Variants in CLCN5 observed in about 807,000 individuals in gnomAD.
The protein encoded by CLCN5 is H(+)/Cl(-) exchange transporter 5.
Under a neutral mutation model 54.0 loss-of-function variants are expected in CLCN5, and 17 were observed. The observed-to-expected ratio is 0.31, with a 90% CI of 0.22 to 0.47. The LOEUF (loss-of-function observed/expected upper bound fraction) is 0.47, where lower values mean the gene tolerates loss of function less well. CLCN5 is among the 20% of genes least tolerant of loss of function. The pLI is 1.00. For synonymous variants in CLCN5, 222 were observed against 233.0 expected, an observed-to-expected ratio of 0.95 and a Z score of 0.43; for missense variants, 448 against 646.7, an observed-to-expected ratio of 0.69 and a Z score of 3.33.
At chrX:49,924,315 T>C (rs1469814588) in intron 2 of CLCN5, among the ~76,000 whole-genome samples, 6 of 110,896 alleles carry the variant, frequency 5.4e-5, no homozygotes, top group Non-Finnish European at 9.4e-5. Flanking sequence ...GTAATTATAG[T>C]GCACCGCCAT....
At chrX:49,959,770 C>T (rs1557174337) in intron 3 of CLCN5, among the ~76,000 whole-genome samples, 1 of 111,271 alleles carries the variant, frequency 9.0e-6, no homozygotes, top group Non-Finnish European at 1.9e-5. Flanking sequence ...GTCTTCTGTG[C>T]TCCTCTGACT....
chrX:50,090,828 A>G lies in CLCN5; in HGVS notation c.2302A>G (p.Ile768Val), dbSNP rs1407889034. 8.3e-7 allele frequency: 1 copy of G among 1,209,479 alleles called. No homozygotes were observed. Among genetic ancestry groups the G allele is most frequent in the Admixed American group, 2.2e-5 (1 of 45,627 alleles). ...FTVTDLTPME[I>V]VVDIFRKLGL... ...TGTGACTGACCTTACACCCATGGAG[A>G]TCGTAGTGGATATTTTCCGAAAGCT... Residue 768 changes from isoleucine to valine, a missense_variant, in exon 14 of 15, where the codon ATC becomes GTC. Around this residue, in one of 5 missense-constraint regions of CLCN5, gnomAD observed 297 missense variants for 470.4 expected, o/e 0.63. Transcript: ENST00000376091.
chrX:49,944,016 T>C (rs1447085961), intron 3 of CLCN5, among the ~76,000 whole-genome samples: 1 of 112,021 alleles, frequency 8.9e-6, no homozygotes, highest in Non-Finnish European at 1.9e-5. Flanking sequence ...TTTCACATTA[T>C]TGATTCTTCC....
intron 7 of CLCN5, among the ~76,000 whole-genome samples, chrX:50,077,190 G>A (rs1933437490): frequency 9.0e-6 from 1 of 111,488 alleles, no homozygotes; most frequent in Non-Finnish European, 1.9e-5. Context: ...GATAGAAATA[G>A]GAGTGTTTAT....
intron 3 of CLCN5, among the ~76,000 whole-genome samples, chrX:49,952,296 G>T (rs1201448650): frequency 9.1e-6 from 1 of 110,221 alleles, no homozygotes; most frequent in Admixed American, 9.7e-5. Flanking sequence ...TTCAAGTCTG[G>T]CCTTTCCTTT....
chrX:50,032,363 A>G (rs1476575282), intron 3 of CLCN5, among the ~76,000 whole-genome samples: 2 of 111,080 alleles, frequency 1.8e-5, no homozygotes, highest in East Asian at 2.8e-4. Flanking sequence ...CTATTTCTCC[A>G]CATCCTCTCC....
At chrX:49,944,520 A>G (rs1387465652) in intron 3 of CLCN5, among the ~76,000 whole-genome samples, 1 of 111,923 alleles carries the variant, frequency 8.9e-6, no homozygotes, top group East Asian at 2.8e-4. Context: ...TTGCCCATTC[A>G]GTATGATATT....
At chrX:49,958,969 C>T (rs1473937443) in intron 3 of CLCN5, among the ~76,000 whole-genome samples, 1 of 111,964 alleles carries the variant, frequency 8.9e-6, no homozygotes, top group Non-Finnish European at 1.9e-5. Flanking sequence ...CCTGCTATAG[C>T]TACATTAGTT....
intron 3 of CLCN5, among the ~76,000 whole-genome samples, chrX:49,985,055 G>A (rs1602013276): frequency 1.8e-5 from 2 of 110,115 alleles, no homozygotes; most frequent in Middle Eastern, 4.6e-3. Context: ...ATTCCCTAAT[G>A]ATTTAAATAG....
chrX:49,955,332 G>A (rs1271863051), intron 3 of CLCN5, among the ~76,000 whole-genome samples: 1 of 110,488 alleles, frequency 9.1e-6, no homozygotes, highest in Non-Finnish European at 1.9e-5. Flanking sequence ...GAACCCTGAG[G>A]ATGGGAATAC....
intron 4 of CLCN5, among the ~76,000 whole-genome samples, chrX:50,043,741 T>A (rs2147480005): frequency 8.9e-6 from 1 of 112,137 alleles, no homozygotes; most frequent in South Asian, 3.7e-4. Context: ...AACTTTTTTT[T>A]AAATTTACAG....
At chrX:50,006,372 G>T (rs1242858242) in intron 3 of CLCN5, among the ~76,000 whole-genome samples, 2 of 111,965 alleles carry the variant, frequency 1.8e-5, no homozygotes, top group Non-Finnish European at 3.8e-5. Flanking sequence ...GTACACCTGG[G>T]CTAGGACTCA....
chrX:49,942,811 A>G (rs1888625854), intron 3 of CLCN5, among the ~76,000 whole-genome samples: 1 of 109,720 alleles, frequency 9.1e-6, no homozygotes, highest in Non-Finnish European at 1.9e-5. Flanking sequence ...TCATTGCTGG[A>G]CACTTGGGTT....
intron 4 of CLCN5, among the ~76,000 whole-genome samples, chrX:50,059,289 A>T (rs992106394): frequency 8.9e-6 from 1 of 111,804 alleles, no homozygotes; most frequent in African/African-American, 3.2e-5. Flanking sequence ...TTATTCTAAA[A>T]ATATGATGAA....
At chrX:50,027,493 A>G (rs1557185216) in intron 3 of CLCN5, among the ~76,000 whole-genome samples, 1 of 111,762 alleles carries the variant, frequency 8.9e-6, no homozygotes, top group African/African-American at 3.3e-5. Context: ...TGTCCAATTT[A>G]TTGATGAATC....
At chrX:50,029,586 C>T (rs1931588614) in intron 3 of CLCN5, among the ~76,000 whole-genome samples, 1 of 111,385 alleles carries the variant, frequency 9.0e-6, no homozygotes, top group South Asian at 3.8e-4. Flanking sequence ...AATGAACAGA[C>T]ACTTCTCAAA....
chrX:49,940,804 G>A (rs1363844219), intron 3 of CLCN5, among the ~76,000 whole-genome samples: 1 of 111,104 alleles, frequency 9.0e-6, no homozygotes, highest in Non-Finnish European at 1.9e-5. Flanking sequence ...TTCACAGCTG[G>A]CCATTACCTT....
intron 3 of CLCN5, among the ~76,000 whole-genome samples, chrX:49,950,144 T>C (rs1296301486): frequency 9.0e-6 from 1 of 111,720 alleles, no homozygotes; most frequent in Non-Finnish European, 1.9e-5. Context: ...GGATGGCATT[T>C]CTCTAAGCTA....
chrX:49,987,807 C>G (rs906930123), intron 3 of CLCN5, among the ~76,000 whole-genome samples: 4 of 111,633 alleles, frequency 3.6e-5, no homozygotes, highest in Non-Finnish European at 1.9e-5. Flanking sequence ...GCTGTTTAGA[C>G]CTTTACAGAA....
Sources: allele counts gnomAD v4.1 joint callset (sites outside exome capture counted in the v4.1 genomes callset), GRCh38; gene constraint gnomAD v4.1.1; regional missense constraint gnomAD v4.1.1; transcripts MANE v1.5; gene names NCBI Gene and HGNC (gene_info 2026-07-23, HGNC 2026-07-21).